Variants in SCAI observed in about 807,000 individuals in gnomAD.
SCAI encodes suppressor of cancer cell invasion, also known as protein SCAI.
A neutral mutation model predicts 92.2 loss-of-function variants in SCAI; 24 were observed. The observed-to-expected ratio is 0.26, with a 90% CI of 0.19 to 0.37. SCAI has a LOEUF of 0.37. SCAI is among the 10% of genes least tolerant of loss of function. The pLI is 1.00. For missense variants in SCAI, 450 were observed against 736.2 expected (o/e 0.61, Z 4.50); for synonymous variants, 261 against 258.6 (o/e 1.01, Z -0.09).
At chr9:125,126,611 C>A (rs574237597) in intron 2 of SCAI, among the ~76,000 whole-genome samples, 1 of 151,990 alleles carries the variant, frequency 6.6e-6, no homozygotes, top group South Asian at 2.1e-4. Flanking sequence ...AGAGAACACA[C>A]ATGCAAGGCA....
At chr9:125,059,412 G>A (rs1182942973) in intron 2 of SCAI, among the ~76,000 whole-genome samples, 1 of 152,172 alleles carries the variant, frequency 6.6e-6, no homozygotes. Flanking sequence ...CCTGAATGGG[G>A]TCTAAGGACT....
intron 3 of SCAI, among the ~76,000 whole-genome samples, chr9:125,034,491 T>C (rs1833149395): frequency 6.6e-6 from 1 of 152,124 alleles, no homozygotes; most frequent in Non-Finnish European, 1.5e-5. Context: ...GTCCCAGCAC[T>C]TTGGGAGGCC....
At chr9:125,117,268 T>C (rs2131242808) in intron 2 of SCAI, among the ~76,000 whole-genome samples, 1 of 152,326 alleles carries the variant, frequency 6.6e-6, no homozygotes, top group Admixed American at 6.5e-5. Flanking sequence ...TCTTATATTC[T>C]TTCATACTGA....
chr9:125,101,724 G>C (rs111392058), intron 2 of SCAI, among the ~76,000 whole-genome samples: 2,138 of 152,286 alleles, frequency 0.014, 22 homozygotes, highest in Middle Eastern at 0.041. Context: ...TAGAAATACA[G>C]GGATGAATAC....
chr9:125,086,187 A>G (rs1043393388), intron 2 of SCAI, among the ~76,000 whole-genome samples: 2 of 152,210 alleles, frequency 1.3e-5, no homozygotes, highest in Non-Finnish European at 2.9e-5. Flanking sequence ...CTAAATTGTA[A>G]GCTACTTGAA....
At chr9:125,135,660 A>C (rs955869183) in intron 2 of SCAI, among the ~76,000 whole-genome samples, 2 of 150,600 alleles carry the variant, frequency 1.3e-5, no homozygotes, top group African/African-American at 4.9e-5. Context: ...CTCAAAACTA[A>C]ATAAAAATTT....
At chr9:125,108,210 G>A (rs1428217440) in intron 2 of SCAI, among the ~76,000 whole-genome samples, 2 of 152,010 alleles carry the variant, frequency 1.3e-5, no homozygotes, top group African/African-American at 4.8e-5. Context: ...CGCCTGCCTT[G>A]GCCTCCCAAA....
intron 3 of SCAI, among the ~76,000 whole-genome samples, chr9:125,051,394 T>C (rs1435099282): frequency 6.6e-6 from 1 of 152,224 alleles, no homozygotes; most frequent in East Asian, 1.9e-4. Flanking sequence ...TATATTTGCT[T>C]ATCCACTCTT....
intron 6 of SCAI, among the ~76,000 whole-genome samples, chr9:125,022,290 CAAT>C (rs903377167): frequency 7.9e-5 from 12 of 152,238 alleles, no homozygotes; most frequent in Admixed American, 5.9e-4. Context: ...CCTCTATTCT[CAAT>C]AATACTTTCT....
rs138349585 is a variant in SCAI, at chr9:125,061,854, C to T, written c.99-5847G>A. Among the ~76,000 whole-genome samples the T allele has an allele frequency of 1.6e-4, 24 of 150,764 alleles. No homozygotes were observed. In the East Asian group the frequency reaches 4.5e-3, roughly 28 times the overall value. ...AACAAAAGGAAGAGTGTCCTTTAAG[C>T]AAAAGGAAAATAATCAAAAAAAGAA... is the stretch of plus-strand genomic sequence containing the variant. On this transcript the variant is annotated intron_variant, in intron 2 of 17. Coordinates refer to ENST00000336505, the MANE Select transcript of SCAI (RefSeq NM_001144877.3).
chr9:124,965,390 C>G (rs905166042), intron 17 of SCAI, among the ~76,000 whole-genome samples: 2 of 152,078 alleles, frequency 1.3e-5, no homozygotes, highest in Non-Finnish European at 2.9e-5. Flanking sequence ...CACGCCACGA[C>G]GCCCAGCTAA....
At chr9:125,060,347 TC>T (rs1160535298) in intron 2 of SCAI, among the ~76,000 whole-genome samples, 1 of 151,798 alleles carries the variant, frequency 6.6e-6, no homozygotes, top group Non-Finnish European at 1.5e-5. Context: ...TAATATGTAA[TC>T]CTAGCAACAG....
chr9:125,023,676 A>AG (rs1832912438), intron 6 of SCAI, among the ~76,000 whole-genome samples: 1 of 152,252 alleles, frequency 6.6e-6, no homozygotes, highest in East Asian at 1.9e-4. Context: ...TGTAAAAAAA[A>AG]AAAAAGAAAA....
intron 2 of SCAI, among the ~76,000 whole-genome samples, chr9:125,072,468 T>C (rs73577890): frequency 0.016 from 2,425 of 152,214 alleles, 72 homozygotes; most frequent in African/African-American, 0.055. Flanking sequence ...ACAGAAAAAA[T>C]TGAAAAATGT....
At chr9:125,111,382 C>T (rs1052935663) in intron 2 of SCAI, among the ~76,000 whole-genome samples, 2 of 151,940 alleles carry the variant, frequency 1.3e-5, no homozygotes, top group African/African-American at 2.4e-5. Context: ...GGTATAGTAA[C>T]GGGGACTAGA....
chr9:125,022,456 G>A (rs973935597), intron 6 of SCAI, among the ~76,000 whole-genome samples: 1 of 152,158 alleles, frequency 6.6e-6, no homozygotes, highest in East Asian at 1.9e-4. Context: ...CTATTTCCCA[G>A]GCTGAAGTGC....
At chr9:124,970,343 C>T (rs1394473144) in intron 17 of SCAI, among the ~76,000 whole-genome samples, 1 of 152,006 alleles carries the variant, frequency 6.6e-6, no homozygotes, top group Non-Finnish European at 1.5e-5. Flanking sequence ...CTGCAGAATA[C>T]ATACAATATG....
chr9:125,034,917 GTTGT>G (rs1036480425), intron 3 of SCAI, among the ~76,000 whole-genome samples: 1 of 152,158 alleles, frequency 6.6e-6, no homozygotes, highest in African/African-American at 2.4e-5. Context: ...ATGTCAAAAT[GTTGT>G]TTATTATCTG....
chr9:125,108,252 A>C (rs991487668), intron 2 of SCAI, among the ~76,000 whole-genome samples: 49 of 151,744 alleles, frequency 3.2e-4, no homozygotes, highest in African/African-American at 1.2e-3. Flanking sequence ...CCCAGCCGCC[A>C]CCCCGTCTGG....
Sources: allele counts gnomAD v4.1 joint callset (sites outside exome capture counted in the v4.1 genomes callset), GRCh38; gene constraint gnomAD v4.1.1; transcripts MANE v1.5; gene names NCBI Gene and HGNC (gene_info 2026-07-23, HGNC 2026-07-21).